The following ADGRL2 variants were observed in gnomAD, a reference collection of about 807,000 sequenced individuals.
ADGRL2 encodes adhesion G protein-coupled receptor L2.
Under a neutral mutation model 157.4 loss-of-function variants are expected in ADGRL2, and 44 were observed. The observed-to-expected ratio is 0.28, with a 90% confidence interval of 0.22 to 0.36. ADGRL2 has a LOEUF of 0.36. Ranked by LOEUF, ADGRL2 falls within the 10% of genes least tolerant of loss-of-function variation. The pLI, the probability that ADGRL2 is intolerant of heterozygous loss-of-function variation, is 1.00. For synonymous variants in ADGRL2, 585 were observed against 624.7 expected, an observed-to-expected ratio of 0.94 and a Z score of 0.95; for missense variants, 1,510 against 1,768.9, an observed-to-expected ratio of 0.85 and a Z score of 2.63.
intron 2 of ADGRL2, among the ~76,000 whole-genome samples, chr1:81,463,321 A>T (rs1402646283): frequency 2.0e-5 from 3 of 151,756 alleles, no homozygotes; most frequent in East Asian, 2.0e-4. Context: ...ATAGACATAA[A>T]TTTTTTGACA....
At chr1:81,514,046 C>CTCTGGAGGCTTAGTT (rs373214808) in intron 2 of ADGRL2, 4 of 145,768 alleles carry the variant, frequency 2.7e-5, no homozygotes, top group African/African-American at 8.2e-5. Context: ...TCAAATCAAG[C>CTCTGGAGGCTTAGTT]TGAAAGACAA....
intron 1 of ADGRL2, among the ~76,000 whole-genome samples, chr1:81,417,519 C>G (rs1319481614): frequency 6.6e-6 from 1 of 151,662 alleles, no homozygotes; most frequent in Admixed American, 6.6e-5. Context: ...TTACTTCTAC[C>G]TTTTTGGAAT....
At chr1:81,944,629 G>C (rs1204312707) in intron 6 of ADGRL2, among the ~76,000 whole-genome samples, 1 of 151,962 alleles carries the variant, frequency 6.6e-6, no homozygotes, top group Non-Finnish European at 1.5e-5. Flanking sequence ...TATTTGAACA[G>C]TGTTTGTTTA....
chr1:81,740,088 G>A (rs577937807), intron 1 of ADGRL2, among the ~76,000 whole-genome samples: 1 of 152,168 alleles, frequency 6.6e-6, no homozygotes, highest in Non-Finnish European at 1.5e-5. Flanking sequence ...GAAGATGAGG[G>A]TTGGCTGAAC....
At position 81,444,388 on chromosome 1, in the gene ADGRL2, A is replaced by G. The variant is rs115013584; in HGVS notation, c.-301-648A>G. 9.2e-3 allele frequency among the ~76,000 whole-genome samples: 1,408 copies of G among 152,268 alleles called. 26 individuals carry two copies. Among genetic ancestry groups the G allele is most frequent in the African/African-American group, 0.032 (1,336 of 41,542 alleles). The stretch of plus-strand genomic sequence containing the variant: ...GAGAGTAAATCCCCTGAGCCATTTT[A>G]TGTTTTTACATGTAAAATGTTTCTT... On this transcript the variant is annotated intron_variant, in intron 1 of 24. Coordinates refer to the ADGRL2 transcript ENST00000370721.
intron 2 of ADGRL2, among the ~76,000 whole-genome samples, chr1:81,521,145 GA>G (rs1354003238): frequency 6.6e-6 from 1 of 152,136 alleles, no homozygotes; most frequent in Non-Finnish European, 1.5e-5. Flanking sequence ...AATCAGTGGG[GA>G]AAAAAGTAAA....
At chr1:81,482,388 A>G (rs12091092) in intron 2 of ADGRL2, among the ~76,000 whole-genome samples, 7,213 of 152,284 alleles carry the variant, frequency 0.047, 571 homozygotes, top group African/African-American at 0.16. Context: ...CGTGTTTATT[A>G]TAGAACAACT....
intron 2 of ADGRL2, among the ~76,000 whole-genome samples, chr1:81,471,576 A>G (rs754824130): frequency 1.3e-5 from 2 of 152,222 alleles, no homozygotes; most frequent in African/African-American, 4.8e-5. Context: ...GATAATATTT[A>G]TGGAATTTAC....
At position 81,967,348 on chromosome 1, in the gene ADGRL2, A is replaced by G. The variant is rs556025260; in HGVS notation, c.2350-678A>G. On this transcript the variant is annotated intron_variant, in intron 13 of 23. Transcript: ENST00000686636. The stretch of plus-strand genomic sequence containing the variant: ...GCGATCTCGGCTCACTGCCAGCTCC[A>G]CCTCCCGGGTTCACGCCATTCTCCT... Among the ~76,000 whole-genome samples, 11 of 145,634 alleles carry G rather than the reference A, an allele frequency of 7.6e-5. No individual in the cohort carries two copies. The South Asian group carries it at 8.6e-4, about 11-fold the overall frequency.
intron 1 of ADGRL2, among the ~76,000 whole-genome samples, chr1:81,816,411 A>C (rs920590779): frequency 6.6e-6 from 1 of 151,812 alleles, no homozygotes; most frequent in Admixed American, 6.6e-5. Flanking sequence ...TACTTTTAAT[A>C]TTTCCTCTTA....
intron 2 of ADGRL2, among the ~76,000 whole-genome samples, chr1:81,569,539 G>A (rs748570779): frequency 2.6e-5 from 4 of 152,186 alleles, no homozygotes; most frequent in Admixed American, 6.5e-5. Flanking sequence ...CAGGTGCAAT[G>A]GCTCACTCCT....
chr1:81,395,238 A>G (rs866592966), intron 1 of ADGRL2, among the ~76,000 whole-genome samples: 11 of 152,098 alleles, frequency 7.2e-5, no homozygotes, highest in Admixed American at 6.6e-4. Flanking sequence ...CTGGGGTGAG[A>G]TGATATCTCA....
At chr1:81,976,736 A>G (rs1279657023) in intron 17 of ADGRL2, among the ~76,000 whole-genome samples, 2 of 151,934 alleles carry the variant, frequency 1.3e-5, no homozygotes, top group Non-Finnish European at 2.9e-5. Flanking sequence ...TGACTTGACT[A>G]GTGGGAGTAG....
chr1:81,316,302 C>CATT (rs1265109796), intron 1 of ADGRL2, among the ~76,000 whole-genome samples: 1 of 152,092 alleles, frequency 6.6e-6, no homozygotes, highest in Admixed American at 6.5e-5. Context: ...ATCAATTTTA[C>CATT]ATTATTTTAA....
intron 11 of ADGRL2, among the ~76,000 whole-genome samples, chr1:81,965,399 A>G (rs1014266620): frequency 1.3e-5 from 2 of 152,220 alleles, no homozygotes; most frequent in Admixed American, 6.5e-5. Flanking sequence ...ATTTTGCCCA[A>G]TTTGAATATG....
chr1:81,855,729 G>C (rs1269547126), intron 2 of ADGRL2, among the ~76,000 whole-genome samples: 1 of 152,024 alleles, frequency 6.6e-6, no homozygotes, highest in Non-Finnish European at 1.5e-5. Context: ...AGACACTGAG[G>C]GGGCAAATGA....
At chr1:81,757,678 T>C (rs1049221397) in intron 1 of ADGRL2, among the ~76,000 whole-genome samples, 2 of 152,236 alleles carry the variant, frequency 1.3e-5, no homozygotes, top group African/African-American at 4.8e-5. Context: ...GAATCACGAA[T>C]TGTTCATTGC....
chr1:81,814,333 T>C (rs2090171746), intron 1 of ADGRL2, among the ~76,000 whole-genome samples: 4 of 143,906 alleles, frequency 2.8e-5, no homozygotes, highest in Admixed American at 2.8e-4. Context: ...TAAGCTATTA[T>C]GAATAGTATA....
chr1:81,521,967 GTT>G (rs200860680), intron 2 of ADGRL2, among the ~76,000 whole-genome samples: 6 of 139,384 alleles, frequency 4.3e-5, no homozygotes, highest in African/African-American at 5.2e-5. Flanking sequence ...TGTACTTTTT[GTT>G]TTTTTTTTTT....
Sources: allele counts gnomAD v4.1 joint callset (sites outside exome capture counted in the v4.1 genomes callset), GRCh38; gene constraint gnomAD v4.1.1; transcripts MANE v1.5; gene names NCBI Gene and HGNC (gene_info 2026-07-23, HGNC 2026-07-21).